CCL24: variants seen among roughly 807,000 people sequenced by gnomAD.
CCL24 encodes C-C motif chemokine ligand 24.
CCL24 carries 6 observed loss-of-function variants against 8.6 expected under a neutral mutation model. That is an observed-to-expected ratio of 0.70 (90% confidence interval 0.38 to 1.38). The LOEUF (loss-of-function observed/expected upper bound fraction) is 1.38, where lower values mean the gene tolerates loss of function less well. Ranked by LOEUF, CCL24 falls within the 40% of genes most tolerant of loss-of-function variation. The pLI is 0.02. For missense variants in CCL24, 126 were observed against 147.1 expected (o/e 0.86, Z 0.74); for synonymous variants, 59 against 52.7 (o/e 1.12, Z -0.52).
chr7:75,818,393 G>A (rs1210630912), upstream of CCL24, among the ~76,000 whole-genome samples: 1 of 149,134 alleles, frequency 6.7e-6, no homozygotes, highest in Non-Finnish European at 1.5e-5. Flanking sequence ...GTTGCAGTGA[G>A]CCGAGATCGC....
rs1585026767 is a variant in CCL24, at chr7:75,811,361, C to T, written c.*435G>A. Among the ~76,000 whole-genome samples the T allele has an allele frequency of 1.3e-5, 2 of 151,988 alleles. No homozygotes were observed. Among genetic ancestry groups the T allele is most frequent in the South Asian group, 4.2e-4 (2 of 4,814 alleles). On this transcript the variant is annotated 3_prime_UTR_variant, in exon 3 of 3. Transcript: ENST00000222902. ...GGGTGTGGTGGTACACACCTGTAGT[C>T]CCAGGTACTCGGGAGGCTGAGGCAC...
intron 1 of CCL24, among the ~76,000 whole-genome samples, chr7:75,822,307 A>T (rs1470102203): frequency 6.6e-6 from 1 of 152,106 alleles, no homozygotes; most frequent in Non-Finnish European, 1.5e-5. Context: ...CCATATGCTC[A>T]CTTGGTGGCC....
upstream of CCL24, among the ~76,000 whole-genome samples, chr7:75,817,234 C>G (rs1803911951): frequency 1.3e-5 from 2 of 152,122 alleles, no homozygotes; most frequent in African/African-American, 2.4e-5. Flanking sequence ...TGCCGGTTGA[C>G]TGCCTGCATT....
chr7:75,820,856 CATCT>C (rs1804034938), intron 1 of CCL24, among the ~76,000 whole-genome samples: 1 of 151,146 alleles, frequency 6.6e-6, no homozygotes, highest in Admixed American at 6.6e-5. Flanking sequence ...TCCCTCCACC[CATCT>C]ATCTATCCAT....
chr7:75,820,025 CTTCTTCT>C lies in CCL24; in HGVS notation c.-60+3290_-60+3296del, dbSNP rs1563353744. Among the ~76,000 whole-genome samples the C allele has an allele frequency of 3.1e-3, 325 of 104,972 alleles. 1 individual carries two copies. The highest frequency in any genetic ancestry group is 3.9e-3 in the Non-Finnish European group (192 of 49,258). 68.9% of individuals were successfully genotyped at this position (104,972 alleles called of 152,430 possible). ...AAGGGCTTTTAGTAAACTACTTCTTCTTCTTCTTCTTCTTCTTCTTCTTCTTCTTCTT... is the reference window on the plus strand; with the variant it reads ...AAGGGCTTTTAGTAAACTACTTCTTCTCTTCTTCTTCTTCTTCTTCTTCTT... On this transcript the variant is annotated intron_variant, in intron 1 of 3. Transcript: ENST00000416943.
chr7:75,821,541 G>T (rs1246266252), intron 1 of CCL24, among the ~76,000 whole-genome samples: 1 of 152,114 alleles, frequency 6.6e-6, no homozygotes, highest in Admixed American at 6.6e-5. Flanking sequence ...GACCATTCAT[G>T]GATAAAAACA....
intron 1 of CCL24, among the ~76,000 whole-genome samples, chr7:75,818,970 T>C (rs1803953514): frequency 6.6e-6 from 1 of 150,926 alleles, no homozygotes; most frequent in African/African-American, 2.4e-5. Flanking sequence ...TAATACAAGA[T>C]TTCCCTAAGG....
rs539810796 is a variant in CCL24 at position 75,812,483 on chromosome 7, G to A, written c.192-519C>T. Among the ~76,000 whole-genome samples the A allele has an allele frequency of 1.3e-4, 20 of 152,210 alleles. No homozygotes were observed. The South Asian group carries it at 3.9e-3, about 30-fold the overall frequency. On this transcript the variant is annotated intron_variant, in intron 2 of 2. Transcript: ENST00000222902. ...GGAGGACAGACACATGTCAGCCCACGTGACCTTGAGCAAGTTACCTTCCTG... is the reference window on the plus strand; with the variant it reads ...GGAGGACAGACACATGTCAGCCCACATGACCTTGAGCAAGTTACCTTCCTG...
chr7:75,820,130 TCTCCTCCTCCTCCTCCTCCTCCTTCTC>T (rs1804010734), intron 1 of CCL24, among the ~76,000 whole-genome samples: 1 of 81,436 alleles, frequency 1.2e-5, no homozygotes. Flanking sequence ...TTCTTCTTCT[TCTCCTCCTCCTCCTCCTCCTCCTTCTC>T]CTTCTCCTTC....
At chr7:75,816,183 A>G (rs1376672418), upstream of CCL24, among the ~76,000 whole-genome samples, 2 of 152,186 alleles carry the variant, frequency 1.3e-5, no homozygotes, top group Admixed American at 1.3e-4. Flanking sequence ...CATTTGCAGA[A>G]TGAATAGATG....
chr7:75,811,846 C>A lies in CCL24; in HGVS notation c.310G>T (p.Ala104Ser), dbSNP rs1424700137. 1.3e-5 allele frequency: 21 copies of A among 1,613,076 alleles called. No individual in the cohort carries two copies. Among genetic ancestry groups the A allele is most frequent in the Non-Finnish European group, 1.6e-5 (19 of 1,179,900 alleles). ...TATCTCTGGACAGGGCCCTTGACAGCCACTGCCCTGGCCCTAGGGGAAGCC... is the reference window on the plus strand; with the variant it reads ...TATCTCTGGACAGGGCCCTTGACAGACACTGCCCTGGCCCTAGGGGAAGCC... Reference protein sequence around the residue: ...KKASPRARAVAVKGPVQRYPG... With the variant: ...KKASPRARAVSVKGPVQRYPG... Residue 104 changes from alanine (A) to serine (S), a missense_variant, in exon 3 of 3, where the codon GCT becomes TCT. Ala to Ser is a moderately conservative substitution (Grantham distance 99). Transcript: ENST00000222902.
At chr7:75,814,685 T>C (rs11465285), upstream of CCL24, among the ~76,000 whole-genome samples, 1,704 of 151,658 alleles carry the variant, frequency 0.011, 28 homozygotes, top group African/African-American at 0.039. Context: ...CCAACAGCCA[T>C]CGCCTGTACC....
upstream of CCL24, among the ~76,000 whole-genome samples, chr7:75,817,873 C>T (rs1231044438): frequency 1.3e-5 from 2 of 151,798 alleles, no homozygotes; most frequent in East Asian, 1.9e-4. Flanking sequence ...CTTTGTCACC[C>T]AGGCTGGAGT....
chr7:75,821,595 C>T (rs1804049246), intron 1 of CCL24, among the ~76,000 whole-genome samples: 2 of 151,836 alleles, frequency 1.3e-5, no homozygotes, highest in African/African-American at 2.4e-5. Context: ...GGTAGATGCC[C>T]GAGGCAGGCA....
At chr7:75,822,306 C>T (rs989074129) in intron 1 of CCL24, among the ~76,000 whole-genome samples, 1 of 152,124 alleles carries the variant, frequency 6.6e-6, no homozygotes, top group Admixed American at 6.6e-5. Context: ...ACCATATGCT[C>T]ACTTGGTGGC....
rs138614245 is a variant in CCL24, at chr7:75,820,130, T to C, written c.-60+3192A>G. Among the ~76,000 whole-genome samples, 317 of 81,356 alleles carry C rather than the reference T, an allele frequency of 3.9e-3. 15 individuals are homozygous for C. The highest frequency in any genetic ancestry group is 3.1e-3 in the African/African-American group (78 of 25,570). The allele number at this position is 81,356 out of a possible 152,430, so 53.4% of individuals were successfully genotyped here. A position where few individuals can be genotyped will look rare whatever the true frequency, so the allele number is the denominator to read the frequency against. ...TCCTTCTTCTTCTTCTTCTTCTTCT[T>C]CTCCTCCTCCTCCTCCTCCTCCTTC... On this transcript the variant is annotated intron_variant, in intron 1 of 3. Transcript: ENST00000416943.
At position 75,820,133 on chromosome 7, in the gene CCL24, C is replaced by CTTCTTCTTCTTCTTCTTCTTCTT. The variant is rs1563354037; in HGVS notation, c.-60+3188_-60+3189insAAGAAGAAGAAGAAGAAGAAGAA. On this transcript the variant is annotated intron_variant, in intron 1 of 3. Coordinates refer to the CCL24 transcript ENST00000416943. ...TTCTTCTTCTTCTTCTTCTTCTTCT[C>CTTCTTCTTCTTCTTCTTCTTCTT]CTCCTCCTCCTCCTCCTCCTTCTCC... Among the ~76,000 whole-genome samples, 92 of 78,552 alleles carry CTTCTTCTTCTTCTTCTTCTTCTT rather than the reference C, an allele frequency of 1.2e-3. 1 individual carries two copies. Among genetic ancestry groups the CTTCTTCTTCTTCTTCTTCTTCTT allele is most frequent in the Non-Finnish European group, 1.7e-3 (61 of 36,822 alleles). 51.5% of individuals were successfully genotyped at this position (78,552 alleles called of 152,430 possible).
upstream of CCL24, among the ~76,000 whole-genome samples, chr7:75,814,434 T>C (rs1049237107): frequency 9.9e-5 from 15 of 152,028 alleles, no homozygotes; most frequent in Admixed American, 6.6e-5. Context: ...GGCGTGGTGG[T>C]GCAGGCTTGT....
intron 1 of CCL24, 37 bp downstream of exon 1, chr7:75,813,606 C>A: frequency 6.4e-7 from 1 of 1,570,740 alleles, no homozygotes; most frequent in Non-Finnish European, 8.8e-7. Flanking sequence ...GCCATCCCAG[C>A]CATGCCCTTG....
Sources: gnomAD v4.1 joint callset for allele counts (sites outside exome capture counted in the v4.1 genomes callset) on GRCh38, gnomAD v4.1.1 for gene constraint, MANE v1.5 for transcripts, NCBI Gene and HGNC (gene_info 2026-07-23, HGNC 2026-07-21) for gene names.